Variants in SUGCT observed in about 807,000 individuals in gnomAD.
SUGCT encodes the protein succinyl-CoA:glutarate CoA-transferase.
A neutral mutation model predicts 55.0 loss-of-function variants in SUGCT; 41 were observed. The ratio of observed to expected loss-of-function variants is 0.74; its 90% CI spans 0.58 to 0.97. The LOEUF (loss-of-function observed/expected upper bound fraction) is 0.97. Among genes scored for constraint, SUGCT ranks in the 50% least tolerant of loss-of-function variants. The pLI is 0.00. For missense variants in SUGCT, 568 were observed against 547.8 expected, an observed-to-expected ratio of 1.04 and a Z score of -0.37; for synonymous variants, 187 against 200.4, an observed-to-expected ratio of 0.93 and a Z score of 0.56.
chr7:40,903,343 G>T, the SUGCT span, among the ~76,000 whole-genome samples: 1 of 152,116 alleles, frequency 6.6e-6, no homozygotes, highest in Admixed American at 6.5e-5. Flanking sequence ...TTACATCAGC[G>T]CCTAGACAGA....
intron 13 of SUGCT, among the ~76,000 whole-genome samples, chr7:40,756,985 G>A (rs1020885930): frequency 2.6e-5 from 4 of 152,156 alleles, no homozygotes; most frequent in South Asian, 2.1e-4. Flanking sequence ...GACTAGCTAG[G>A]GTACTTCCCA....
intron 13 of SUGCT, among the ~76,000 whole-genome samples, chr7:40,855,090 C>T (rs1261042261): frequency 6.6e-6 from 1 of 151,498 alleles, no homozygotes; most frequent in Non-Finnish European, 1.5e-5. Context: ...ATTGTTCACC[C>T]CTCCTCCATT....
chr7:40,410,767 GAT>G (rs1237906954), intron 9 of SUGCT, among the ~76,000 whole-genome samples: 1 of 152,094 alleles, frequency 6.6e-6, no homozygotes, highest in African/African-American at 2.4e-5. Context: ...AATTTGTCTG[GAT>G]ATAGAATTCT....
chr7:40,701,031 G>A (rs1157136635), intron 12 of SUGCT, among the ~76,000 whole-genome samples: 1 of 152,146 alleles, frequency 6.6e-6, no homozygotes, highest in African/African-American at 2.4e-5. Context: ...CTTGGTAGTG[G>A]TCCTGCTGAA....
chr7:40,745,874 T>A (rs1584375962), intron 12 of SUGCT, among the ~76,000 whole-genome samples: 1 of 152,188 alleles, frequency 6.6e-6, no homozygotes, highest in East Asian at 1.9e-4. Context: ...CTTTAAGCCA[T>A]GAATATCTTA....
intron 13 of SUGCT, among the ~76,000 whole-genome samples, chr7:40,822,862 A>G (rs967419021): frequency 7.2e-5 from 11 of 152,202 alleles, no homozygotes; most frequent in African/African-American, 2.7e-4. Flanking sequence ...GTTGGCAGCT[A>G]GAAACACAAG....
the SUGCT span, among the ~76,000 whole-genome samples, chr7:40,915,395 A>T: frequency 2.6e-5 from 4 of 152,290 alleles, no homozygotes; most frequent in East Asian, 5.8e-4. Context: ...TAAGACCTCA[A>T]ATGTTCCTAA....
At chr7:40,626,365 T>C (rs1799527683) in intron 12 of SUGCT, among the ~76,000 whole-genome samples, 1 of 151,256 alleles carries the variant, frequency 6.6e-6, no homozygotes, top group Non-Finnish European at 1.5e-5. Context: ...CAAGCGATTC[T>C]CCTGCTTCAG....
chr7:41,022,885 A>C, the SUGCT span, among the ~76,000 whole-genome samples: 1 of 152,248 alleles, frequency 6.6e-6, no homozygotes, highest in Non-Finnish European at 1.5e-5. Context: ...ATATAAATAT[A>C]AACTTATCAA....
intron 6 of SUGCT, among the ~76,000 whole-genome samples, chr7:40,203,706 C>T (rs1416569099): frequency 2.0e-5 from 3 of 150,422 alleles, no homozygotes; most frequent in Non-Finnish European, 4.4e-5. Context: ...ACCTGGGAGG[C>T]GGAAGTTGCA....
chr7:40,152,074 G>A (rs1344739769), intron 1 of SUGCT, among the ~76,000 whole-genome samples: 6 of 152,196 alleles, frequency 3.9e-5, no homozygotes, highest in Admixed American at 6.5e-5. Context: ...CTCAGCACCA[G>A]TGTTAGGTTT....
intron 12 of SUGCT, among the ~76,000 whole-genome samples, chr7:40,734,579 G>A (rs1787064730): frequency 6.6e-6 from 1 of 152,062 alleles, no homozygotes; most frequent in Non-Finnish European, 1.5e-5. Context: ...TTACATTCAT[G>A]CTGGTTGGAC....
intron 1 of SUGCT, among the ~76,000 whole-genome samples, chr7:40,157,687 A>G (rs901815062): frequency 1.3e-5 from 2 of 152,166 alleles, no homozygotes; most frequent in African/African-American, 4.8e-5. Flanking sequence ...AGTTTTCCTT[A>G]TAGAGGTGCT....
chr7:40,977,387 T>C, the SUGCT span, among the ~76,000 whole-genome samples: 1 of 152,246 alleles, frequency 6.6e-6, no homozygotes, highest in Non-Finnish European at 1.5e-5. Flanking sequence ...TTTCCATTTC[T>C]TCATTCTCTT....
chr7:40,391,422 T>C (rs1348103312), intron 9 of SUGCT, among the ~76,000 whole-genome samples: 1 of 151,970 alleles, frequency 6.6e-6, no homozygotes, highest in Non-Finnish European at 1.5e-5. Flanking sequence ...ACAAAGAACT[T>C]AAACAAATTT....
At chr7:40,817,275 G>A (rs891211175) in intron 13 of SUGCT, among the ~76,000 whole-genome samples, 1 of 152,186 alleles carries the variant, frequency 6.6e-6, no homozygotes, top group Non-Finnish European at 1.5e-5. Context: ...AGATGAGAAA[G>A]TCAACCCTCT....
the SUGCT span, among the ~76,000 whole-genome samples, chr7:41,026,655 G>A: frequency 2.0e-5 from 3 of 152,168 alleles, no homozygotes; most frequent in Admixed American, 6.5e-5. Flanking sequence ...GCCCATCTAC[G>A]TGAGAAGTCT....
intron 13 of SUGCT, among the ~76,000 whole-genome samples, chr7:40,835,953 A>C (rs1171852506): frequency 2.1e-5 from 3 of 140,152 alleles, no homozygotes; most frequent in Non-Finnish European, 4.5e-5. Context: ...AATGCAGTGG[A>C]GTGATCATGG....
Position 40,176,721 on chromosome 7 carries a change from C to T in SUGCT, c.101-4226C>T, listed in dbSNP as rs141222092. On this transcript the variant is annotated intron_variant, in intron 1 of 13. Coordinates refer to ENST00000335693, the MANE Select transcript of SUGCT (RefSeq NM_001193313.2). ...GGCACGGTGCCTCATGCCTGTAATC[C>T]CAGCACTTTGAGAGGTCGAGGTGGG... Among the ~76,000 whole-genome samples the T allele has an allele frequency of 1.8e-3, 273 of 151,776 alleles. 3 individuals carry two copies. Among genetic ancestry groups the T allele is most frequent in the African/African-American group, 6.3e-3 (259 of 41,412 alleles).
Sources: allele counts gnomAD v4.1 joint callset (sites outside exome capture counted in the v4.1 genomes callset), GRCh38; gene constraint gnomAD v4.1.1; transcripts MANE v1.5; gene names NCBI Gene and HGNC (gene_info 2026-07-23, HGNC 2026-07-21).